Variants in PDE7A observed in about 807,000 individuals in gnomAD.
PDE7A encodes the protein phosphodiesterase 7A.
A neutral mutation model predicts 64.3 loss-of-function variants in PDE7A; 39 were observed. The observed-to-expected ratio is 0.61, with a 90% CI of 0.47 to 0.79. The LOEUF (loss-of-function observed/expected upper bound fraction) is 0.79. Among genes scored for constraint, PDE7A ranks in the 30% least tolerant of loss-of-function variants. The probability of loss-of-function intolerance (pLI) is 0.00; values close to 1 mark genes in which losing one functional copy is unlikely to be tolerated. For synonymous variants in PDE7A, 203 were observed against 206.8 expected (o/e 0.98, Z 0.16); for missense variants, 470 against 582.8 (o/e 0.81, Z 1.99).
In PDE7A at chr8:65,806,153, T is replaced by A. The variant is rs562839679; in HGVS notation, c.139-23310A>T. ...CAACAATAAGGAATGACTGGTTGAC[T>A]AACTGTAAAAGTAGAAGTACGAAAT... On this transcript the variant is annotated intron_variant, in intron 1 of 12. Coordinates refer to ENST00000401827, the MANE Select transcript of PDE7A (RefSeq NM_001242318.3). Among the ~76,000 whole-genome samples, 12 of 152,338 alleles carry A rather than the reference T, an allele frequency of 7.9e-5. No homozygotes were observed. The East Asian group carries it at 2.1e-3, about 27-fold the overall frequency.
At chr8:65,781,058 A>G (rs1332869750) in intron 2 of PDE7A, 1 of 152,258 alleles carries the variant, frequency 6.6e-6, no homozygotes, top group African/African-American at 2.4e-5. Flanking sequence ...TGACACAAAT[A>G]ATAAATACCA....
At position 65,757,469 on chromosome 8, in the gene PDE7A, G is replaced by A. The variant is rs1808287396; in HGVS notation, c.284-9666C>T. Among the ~76,000 whole-genome samples, 3 of 152,142 alleles carry A rather than the reference G, an allele frequency of 2.0e-5. No homozygotes were observed. The East Asian group carries it at 5.8e-4, about 29-fold the overall frequency. ...TGTCTCCCAGGGTGAGGCTACTCAG[G>A]TTTGTAGGGTTTTTTTAGATCTTGT... On this transcript the variant is annotated intron_variant, in intron 3 of 12. Coordinates refer to ENST00000401827, the MANE Select transcript of PDE7A (RefSeq NM_001242318.3).
Position 65,716,371 on chromosome 8 carries a change from T to A in PDE7A, c.*2919A>T, listed in dbSNP as rs1234033849. ...GTATACAGGCAGAATGGAGCCCAGG[T>A]AAGCTCAACTGAAACAAGGCTTGAG... On this transcript the variant is annotated 3_prime_UTR_variant, in exon 13 of 13. Transcript: ENST00000401827. Among the ~76,000 whole-genome samples the A allele has an allele frequency of 6.6e-6, 1 of 152,100 alleles. No homozygotes were observed.
intron 7 of PDE7A, among the ~76,000 whole-genome samples, chr8:65,734,216 C>G (rs1807028422): frequency 6.6e-6 from 1 of 152,214 alleles, no homozygotes; most frequent in South Asian, 2.1e-4. Flanking sequence ...TTCTACTCAA[C>G]TGCCCAAACC....
At chr8:65,769,762 A>G (rs1210772972) in intron 3 of PDE7A, among the ~76,000 whole-genome samples, 1 of 152,094 alleles carries the variant, frequency 6.6e-6, no homozygotes, top group Non-Finnish European at 1.5e-5. Context: ...CGGGCATGGT[A>G]GTGATTGCCC....
At chr8:65,755,346 TTTTTG>T (rs911570669) in intron 3 of PDE7A, among the ~76,000 whole-genome samples, 11 of 152,062 alleles carry the variant, frequency 7.2e-5, no homozygotes, top group African/African-American at 1.2e-4. Flanking sequence ...AAAATTTAGG[TTTTTG>T]TTTTGTTTTG....
chr8:65,772,031 G>GA (rs1563500892), intron 3 of PDE7A, among the ~76,000 whole-genome samples: 1 of 152,038 alleles, frequency 6.6e-6, no homozygotes, highest in Non-Finnish European at 1.5e-5. Context: ...TAACGAGGCA[G>GA]AAAAGAGATG....
rs1356687464 is a variant in PDE7A, at chr8:65,841,635, C to A, written c.-127G>T. On this transcript the variant is annotated 5_prime_UTR_variant, in exon 1 of 13. Coordinates refer to ENST00000401827, the MANE Select transcript of PDE7A (RefSeq NM_001242318.3). ...GGGCAGGGCGGGCGGGGACCGACCC[C>A]GGGCTGGGAAGCCGCGCTCACGCCT... The A allele has an allele frequency of 4.0e-6, 1 of 247,062 alleles. No homozygotes were observed. The highest frequency in any genetic ancestry group is 1.4e-4 in the East Asian group (1 of 7,268). 15.3% of individuals were successfully genotyped at this position (247,062 alleles called of 1,614,324 possible).
At chr8:65,781,688 G>A (rs1056008613) in intron 2 of PDE7A, among the ~76,000 whole-genome samples, 6 of 152,164 alleles carry the variant, frequency 3.9e-5, no homozygotes, top group Non-Finnish European at 8.8e-5. Context: ...TACTGAGATG[G>A]CAAAAGACTG....
intron 1 of PDE7A, among the ~76,000 whole-genome samples, chr8:65,828,700 C>G (rs954964885): frequency 1.3e-5 from 2 of 152,046 alleles, no homozygotes; most frequent in South Asian, 4.1e-4. Context: ...AATGATACTC[C>G]AACTCCACAT....
chr8:65,812,543 C>G (rs1810281323), intron 1 of PDE7A, among the ~76,000 whole-genome samples: 1 of 151,746 alleles, frequency 6.6e-6, no homozygotes, highest in African/African-American at 2.4e-5. Flanking sequence ...TGATATAGCA[C>G]CAGAAGCCTT....
chr8:65,727,188 G>A lies in PDE7A; in HGVS notation c.810C>T (p.Tyr270=), dbSNP rs978306363. The part of the protein sequence containing the change: ...NQPFLIKTNH[Y]LATLYKNTSV... The stretch of plus-strand genomic sequence containing the variant: ...CACTAACCTTGTATAAAGTTGCCAA[G>A]TAATGGTTAGTTTTAATAAGGAAAG... Residue 270 remains tyrosine, a synonymous_variant, in exon 8 of 13, where the codon TAC becomes TAT. Coordinates refer to ENST00000401827, the MANE Select transcript of PDE7A (RefSeq NM_001242318.3). The A allele has an allele frequency of 3.1e-6, 5 of 1,603,298 alleles. No individual in the cohort carries two copies. The Admixed American group carries it at 6.7e-5, about 21-fold the overall frequency.
At chr8:65,800,329 G>C (rs545423142) in intron 1 of PDE7A, among the ~76,000 whole-genome samples, 2 of 152,150 alleles carry the variant, frequency 1.3e-5, no homozygotes, top group Non-Finnish European at 2.9e-5. Context: ...AAACAAAGCT[G>C]CTCTTCCTTA....
intron 12 of PDE7A, among the ~76,000 whole-genome samples, chr8:65,721,356 G>A (rs1806370106): frequency 6.6e-6 from 1 of 152,180 alleles, no homozygotes; most frequent in Non-Finnish European, 1.5e-5. Flanking sequence ...CCCCTATGTT[G>A]GGGAGTAGTA....
At chr8:65,767,929 G>A (rs557913006) in intron 3 of PDE7A, among the ~76,000 whole-genome samples, 1 of 152,350 alleles carries the variant, frequency 6.6e-6, no homozygotes, top group Admixed American at 6.5e-5. Context: ...TCGGTCAGAA[G>A]TTCCAGAGGC....
intron 7 of PDE7A, 198 bp from the exon 8 acceptor site, chr8:65,727,499 T>A (rs529404003): frequency 1.7e-6 from 1 of 585,658 alleles, no homozygotes; most frequent in Non-Finnish European, 2.8e-6. Flanking sequence ...GGCAAAGCCA[T>A]GATACAACAG....
intron 5 of PDE7A, among the ~76,000 whole-genome samples, chr8:65,740,463 C>T (rs1427904220): frequency 2.6e-5 from 4 of 151,972 alleles, no homozygotes; most frequent in Non-Finnish European, 4.4e-5. Flanking sequence ...TACAATGGTG[C>T]GATCTTGGCT....
intron 3 of PDE7A, among the ~76,000 whole-genome samples, chr8:65,761,022 T>A (rs149988186): frequency 0.011 from 1,652 of 152,274 alleles, 16 homozygotes; most frequent in Middle Eastern, 0.017. Flanking sequence ...ACCCTCTGGC[T>A]GTATTACACA....
At chr8:65,839,223 TA>T (rs1554572851) in intron 1 of PDE7A, among the ~76,000 whole-genome samples, 34 of 149,606 alleles carry the variant, frequency 2.3e-4, no homozygotes, top group Middle Eastern at 3.2e-3. Context: ...GTCTTTTTTT[TA>T]AAAAAAAAAG....
Sources: allele counts gnomAD v4.1 joint callset (sites outside exome capture counted in the v4.1 genomes callset), GRCh38; gene constraint gnomAD v4.1.1; transcripts MANE v1.5; gene names NCBI Gene and HGNC (gene_info 2026-07-23, HGNC 2026-07-21).